PDE4D: variants seen among roughly 807,000 people sequenced by gnomAD.
PDE4D encodes the protein phosphodiesterase 4D.
PDE4D carries 24 observed loss-of-function variants against 87.4 expected under a neutral mutation model. The ratio of observed to expected loss-of-function variants is 0.27; its 90% CI spans 0.20 to 0.39. The LOEUF is 0.39. PDE4D is among the 10% of genes least tolerant of loss of function. PDE4D has a pLI of 1.00. For missense variants in PDE4D, 714 were observed against 1,041.0 expected (o/e 0.69, Z 4.32); for synonymous variants, 384 against 383.2 (o/e 1.00, Z -0.02).
chr5:60,347,336 T>G (rs1014190169), intron 1 of PDE4D, among the ~76,000 whole-genome samples: 3 of 152,050 alleles, frequency 2.0e-5, no homozygotes, highest in Non-Finnish European at 2.9e-5. Flanking sequence ...AGAAAGAAGA[T>G]TCTTAGGAGC....
chr5:59,848,213 C>A (rs528113894), intron 1 of PDE4D, among the ~76,000 whole-genome samples: 1 of 151,898 alleles, frequency 6.6e-6, no homozygotes, highest in Non-Finnish European at 1.5e-5. Flanking sequence ...ATAGTTTATG[C>A]CTTTGGGATA....
At chr5:60,380,922 C>G (rs1481015330) in intron 1 of PDE4D, among the ~76,000 whole-genome samples, 1 of 152,138 alleles carries the variant, frequency 6.6e-6, no homozygotes, top group Non-Finnish European at 1.5e-5. Flanking sequence ...TCCCAGTAAC[C>G]AACAAAGCTT....
At chr5:59,180,435 C>A in intron 5 of PDE4D, 160 bp downstream of exon 5, 2 of 734,626 alleles carry the variant, frequency 2.7e-6, no homozygotes, top group Non-Finnish European at 4.9e-6. Context: ...ACAGCTTAGA[C>A]AATTTGTGAG....
At chr5:59,131,604 ACACAC>A (rs1776283581) in intron 5 of PDE4D, among the ~76,000 whole-genome samples, 2 of 77,910 alleles carry the variant, frequency 2.6e-5, no homozygotes, top group Admixed American at 1.6e-4. Context: ...TAAAACACAC[ACACAC>A]ACACACACAC....
intron 2 of PDE4D, among the ~76,000 whole-genome samples, chr5:59,193,962 G>T (rs1416517760): frequency 6.6e-6 from 1 of 152,226 alleles, no homozygotes; most frequent in South Asian, 2.1e-4. Flanking sequence ...TTAGCATGGA[G>T]TGTTCCACAT....
At chr5:59,919,966 A>C (rs1272815383) in intron 3 of PDE4D, among the ~76,000 whole-genome samples, 1 of 152,208 alleles carries the variant, frequency 6.6e-6, no homozygotes, top group East Asian at 1.9e-4. Context: ...GTAAATTTTA[A>C]TTAATATTCT....
chr5:59,799,531 A>C (rs951306586), intron 1 of PDE4D, among the ~76,000 whole-genome samples: 2 of 152,192 alleles, frequency 1.3e-5, no homozygotes, highest in Non-Finnish European at 1.5e-5. Context: ...ATGGTTTTGG[A>C]AGAATCAGCA....
At chr5:59,346,877 A>C (rs1454597464) in intron 1 of PDE4D, among the ~76,000 whole-genome samples, 2 of 152,228 alleles carry the variant, frequency 1.3e-5, no homozygotes, top group African/African-American at 4.8e-5. Context: ...ATGTGAGATA[A>C]ACAATTATTT....
At chr5:59,274,357 C>T (rs1581713779) in intron 1 of PDE4D, among the ~76,000 whole-genome samples, 2 of 152,094 alleles carry the variant, frequency 1.3e-5, no homozygotes, top group Non-Finnish European at 2.9e-5. Context: ...AAAGGCTAAC[C>T]TATCCACAAA....
intron 1 of PDE4D, among the ~76,000 whole-genome samples, chr5:60,296,127 T>TC (rs1402196908): frequency 6.6e-6 from 1 of 152,086 alleles, no homozygotes; most frequent in African/African-American, 2.4e-5. Flanking sequence ...CCTAATACAA[T>TC]CACCTTGGAG....
chr5:60,494,982 T>C (rs1234898300), intron 1 of PDE4D, among the ~76,000 whole-genome samples: 1 of 152,140 alleles, frequency 6.6e-6, no homozygotes, highest in Non-Finnish European at 1.5e-5. Flanking sequence ...ACCATCATGA[T>C]TATACAACCT....
chr5:59,301,448 C>T (rs1217692241), intron 1 of PDE4D, among the ~76,000 whole-genome samples: 1 of 152,152 alleles, frequency 6.6e-6, no homozygotes, highest in African/African-American at 2.4e-5. Flanking sequence ...CTTATTATAG[C>T]AAATATTTTA....
intron 1 of PDE4D, among the ~76,000 whole-genome samples, chr5:60,402,952 C>T (rs1209453738): frequency 6.6e-6 from 1 of 152,202 alleles, no homozygotes; most frequent in Non-Finnish European, 1.5e-5. Flanking sequence ...CCAGGCATTG[C>T]CCCATGCCTC....
At chr5:59,413,651 A>T (rs568603647) in intron 1 of PDE4D, among the ~76,000 whole-genome samples, 1 of 152,170 alleles carries the variant, frequency 6.6e-6, no homozygotes, top group Non-Finnish European at 1.5e-5. Flanking sequence ...ATCTAGGCAG[A>T]TAATCTCACA....
chr5:59,821,613 T>C (rs11738448), intron 1 of PDE4D, among the ~76,000 whole-genome samples: 20,017 of 152,280 alleles, frequency 0.13, 1,615 homozygotes, highest in Middle Eastern at 0.23. Context: ...ACATTTCTAA[T>C]AGTTTTTGTC....
chr5:59,300,265 A>G (rs1157175259), intron 1 of PDE4D, among the ~76,000 whole-genome samples: 1 of 152,142 alleles, frequency 6.6e-6, no homozygotes, highest in African/African-American at 2.4e-5. Context: ...TATTTCTAGA[A>G]GAAATAGAAA....
chr5:59,390,954 C>A (rs77835801), intron 1 of PDE4D, among the ~76,000 whole-genome samples: 1 of 152,080 alleles, frequency 6.6e-6, no homozygotes, highest in Non-Finnish European at 1.5e-5. Context: ...CTTGAAAATA[C>A]GTGGATGTGC....
intron 1 of PDE4D, among the ~76,000 whole-genome samples, chr5:60,291,419 A>G (rs759559735): frequency 6.6e-6 from 1 of 152,194 alleles, no homozygotes; most frequent in East Asian, 1.9e-4. Context: ...AATTCAATTT[A>G]AAAAAGAACT....
intron 1 of PDE4D, among the ~76,000 whole-genome samples, chr5:59,492,894 G>A (rs1488709276): frequency 6.6e-6 from 1 of 152,072 alleles, no homozygotes; most frequent in Non-Finnish European, 1.5e-5. Flanking sequence ...CTTTTTGCCT[G>A]CCACCATCCA....
Sources: allele counts gnomAD v4.1 joint callset (sites outside exome capture counted in the v4.1 genomes callset), GRCh38; gene constraint gnomAD v4.1.1; transcripts MANE v1.5; gene names NCBI Gene and HGNC (gene_info 2026-07-23, HGNC 2026-07-21).